Variants in TPCN1 observed in about 807,000 individuals in gnomAD.
TPCN1 encodes two pore segment channel 1, also known as two pore channel protein 1.
In TPCN1, 52 loss-of-function variants were observed where a neutral mutation model predicts 108.8. The observed-to-expected ratio is 0.48, with a 90% CI of 0.38 to 0.60. The LOEUF is 0.60. Among genes scored for constraint, TPCN1 ranks in the 20% least tolerant of loss-of-function variants. TPCN1 has a pLI of 0.00. For synonymous variants in TPCN1, 446 were observed against 433.7 expected, an observed-to-expected ratio of 1.03 and a Z score of -0.35; for missense variants, 806 against 1,072.8, an observed-to-expected ratio of 0.75 and a Z score of 3.47.
chr12:113,224,748 A>T (rs1462771704), intron 1 of TPCN1, among the ~76,000 whole-genome samples: 6 of 151,120 alleles, frequency 4.0e-5, no homozygotes, highest in Admixed American at 2.0e-4. Context: ...TAATTTAATT[A>T]AATTAATTTA....
chr12:113,274,676 C>G (rs1056724344), intron 10 of TPCN1, among the ~76,000 whole-genome samples: 79 of 152,288 alleles, frequency 5.2e-4, no homozygotes, highest in African/African-American at 1.8e-3. Flanking sequence ...ATGCAAAGTG[C>G]TTTACATATG....
intron 2 of TPCN1, among the ~76,000 whole-genome samples, chr12:113,256,707 A>AT: frequency 6.6e-6 from 1 of 152,022 alleles, no homozygotes; most frequent in African/African-American, 2.4e-5. Context: ...TTTTATTTTA[A>AT]TTTTTTTGTA....
At position 113,289,205 on chromosome 12, in the gene TPCN1, A is replaced by G. The variant is rs1298880603; in HGVS notation, c.1796+358A>G. Among the ~76,000 whole-genome samples, 1 of 152,206 alleles carries G rather than the reference A, an allele frequency of 6.6e-6. No individual in the cohort carries two copies. The highest frequency in any genetic ancestry group is 1.5e-5 in the Non-Finnish European group (1 of 68,034). The stretch of plus-strand genomic sequence containing the variant: ...CCAAGACCAGTCTTCTAGGGACAGC[A>G]TCGTAGGATAAGACAGACGGACACG... On this transcript the variant is annotated intron_variant, in intron 21 of 27. Transcript: ENST00000335509. This position sits in a 1 kb window ranked among gnomAD's most constrained non-coding sequence, Gnocchi z 4.1.
intron 2 of TPCN1, among the ~76,000 whole-genome samples, chr12:113,258,572 A>C (rs1954906430): frequency 6.6e-6 from 1 of 152,176 alleles, no homozygotes; most frequent in East Asian, 1.9e-4. Context: ...GCTTGATTCC[A>C]GGAGTTCGAG....
In TPCN1 at chr12:113,273,483, C is replaced by A; in HGVS notation, c.843-86C>A. On this transcript the variant is annotated intron_variant, in intron 9 of 27. Transcript: ENST00000335509. This position sits in a 1 kb window ranked among gnomAD's most constrained non-coding sequence, Gnocchi z 4.0. ...CAGGGTTGGAGGCTGGGAAGGCAGA[C>A]AAGGAGCTGTCCTCTGCAAGGCATG... is the stretch of plus-strand genomic sequence containing the variant. The A allele has an allele frequency of 2.3e-6, 3 of 1,324,246 alleles. No individual in the cohort carries two copies. Among genetic ancestry groups the A allele is most frequent in the Non-Finnish European group, 3.3e-6 (3 of 916,692 alleles). 82.0% of individuals were successfully genotyped at this position (1,324,246 alleles called of 1,614,324 possible). A position where few individuals can be genotyped will look rare whatever the true frequency, so the allele number is the denominator to read the frequency against.
intron 2 of TPCN1, among the ~76,000 whole-genome samples, chr12:113,228,571 C>T (rs1953559488): frequency 6.6e-6 from 1 of 152,218 alleles, no homozygotes; most frequent in Non-Finnish European, 1.5e-5. Context: ...GACTGCACCA[C>T]TGCACTCCAG....
Position 113,288,419 on chromosome 12 carries a change from A to T in TPCN1, c.1706+185A>T. ...GGTCTCCTGGGCACCATTTTTCTCCACTGACCTGTCTGACATATTTAGTAG... is the reference window on the plus strand; with the variant it reads ...GGTCTCCTGGGCACCATTTTTCTCCTCTGACCTGTCTGACATATTTAGTAG... On this transcript the variant is annotated intron_variant, in intron 20 of 27. Transcript: ENST00000335509. This position sits in a 1 kb window ranked among gnomAD's most constrained non-coding sequence, Gnocchi z 4.8. The T allele has an allele frequency of 6.7e-7, 1 of 1,483,476 alleles. No homozygotes were observed. The allele number at this position is 1,483,476 out of a possible 1,614,324, so 91.9% of individuals were successfully genotyped here. A position where few individuals can be genotyped will look rare whatever the true frequency, so the allele number is the denominator to read the frequency against.
At chr12:113,279,850 G>C (rs1002556751) in intron 14 of TPCN1, among the ~76,000 whole-genome samples, 2 of 152,138 alleles carry the variant, frequency 1.3e-5, no homozygotes, top group Admixed American at 1.3e-4. Flanking sequence ...TTTCATGCCA[G>C]TTTCAGCAGT....
chr12:113,289,283 T>C lies in TPCN1; in HGVS notation c.1796+436T>C, dbSNP rs1253830592. Reference sequence around the variant, plus strand: ...GGGGAGCAGAGAGTGAAATCTCCCATGAGCACTCCCTTTCTCCTGAGCCGC... The same window carrying C: ...GGGGAGCAGAGAGTGAAATCTCCCACGAGCACTCCCTTTCTCCTGAGCCGC... On this transcript the variant is annotated intron_variant, in intron 21 of 27. Transcript: ENST00000335509. The surrounding 1 kb of genome is among the most constrained non-coding windows in gnomAD (Gnocchi z 4.1). 6.6e-6 allele frequency among the ~76,000 whole-genome samples: 1 copy of C among 152,250 alleles called. No individual in the cohort carries two copies. Among genetic ancestry groups the C allele is most frequent in the Non-Finnish European group, 1.5e-5 (1 of 68,052 alleles).
intron 2 of TPCN1, among the ~76,000 whole-genome samples, chr12:113,233,449 G>A (rs1461506971): frequency 3.3e-5 from 5 of 152,240 alleles, no homozygotes; most frequent in African/African-American, 9.6e-5. Flanking sequence ...TGCCCTCTGC[G>A]GGGAGGTTTC....
intron 2 of TPCN1, among the ~76,000 whole-genome samples, chr12:113,236,978 G>A (rs147210306): frequency 4.6e-5 from 7 of 152,222 alleles, no homozygotes; most frequent in Non-Finnish European, 1.0e-4. Context: ...GTCAGAGCAG[G>A]CATATCTGTT....
At chr12:113,239,062 A>G (rs1002464235) in intron 2 of TPCN1, among the ~76,000 whole-genome samples, 3 of 152,158 alleles carry the variant, frequency 2.0e-5, no homozygotes, top group Admixed American at 2.0e-4. Flanking sequence ...TGAGCCCAGG[A>G]GTCTGAGACT....
chr12:113,251,139 C>CAA (rs11386008), intron 2 of TPCN1, among the ~76,000 whole-genome samples: 16 of 142,442 alleles, frequency 1.1e-4, no homozygotes, highest in East Asian at 2.0e-4. Context: ...CCCATCTCTA[C>CAA]AAAAAAAAAA....
intron 2 of TPCN1, among the ~76,000 whole-genome samples, chr12:113,257,715 G>A (rs1291454962): frequency 6.6e-6 from 1 of 152,158 alleles, no homozygotes; most frequent in Non-Finnish European, 1.5e-5. Context: ...CTGAATGAAT[G>A]TTCATAGCAA....
In TPCN1 at chr12:113,293,071, C is replaced by G; in HGVS notation, c.2251C>G (p.Gln751Glu). The G allele has an allele frequency of 6.2e-7, 1 of 1,611,312 alleles. No individual in the cohort carries two copies. The highest frequency in any genetic ancestry group is 8.5e-7 in the Non-Finnish European group (1 of 1,178,894). ...LETLSQMERY[Q>E]QHSMVFLGRR... ...GACCCTCTCCCAGATGGAGAGATAC[C>G]AGGTGAGGAGCCCAGGCCCTGGTCC... Residue 751 changes from glutamine (Q) to glutamate (E), a missense_variant and splice_region_variant, in exon 26 of 28, where the codon CAG becomes GAG. By Grantham distance (29) the Gln-to-Glu change is conservative. Transcript: ENST00000335509.
intron 14 of TPCN1, among the ~76,000 whole-genome samples, chr12:113,279,426 G>A (rs1216105371): frequency 3.9e-5 from 4 of 101,318 alleles, no homozygotes; most frequent in Non-Finnish European, 7.4e-5. Flanking sequence ...TTGAGGCGGC[G>A]TCTCGCTCTG....
chr12:113,278,135 G>A, intron 12 of TPCN1, 54 bp from the exon 13 acceptor site: 1 of 1,529,562 alleles, frequency 6.5e-7, no homozygotes, highest in East Asian at 2.3e-5. Flanking sequence ...GAGAAGCAAA[G>A]CACAGTGGAA....
At chr12:113,274,562 C>T (rs983114435) in intron 10 of TPCN1, among the ~76,000 whole-genome samples, 4 of 152,048 alleles carry the variant, frequency 2.6e-5, no homozygotes, top group South Asian at 2.1e-4. Context: ...TTTTGATTTG[C>T]GGTTGGTTGA....
chr12:113,283,858 A>G (rs1207674231), intron 15 of TPCN1, among the ~76,000 whole-genome samples: 1 of 152,050 alleles, frequency 6.6e-6, no homozygotes, highest in Non-Finnish European at 1.5e-5. Context: ...TATTTTTTGC[A>G]GGGATTTGGT....
Sources: allele counts gnomAD v4.1 joint callset (sites outside exome capture counted in the v4.1 genomes callset), GRCh38; gene constraint gnomAD v4.1.1; non-coding constraint Gnocchi (gnomAD v3.1); transcripts MANE v1.5; gene names NCBI Gene and HGNC (gene_info 2026-07-23, HGNC 2026-07-21).